CDK14: variants seen among roughly 807,000 people sequenced by gnomAD.
CDK14 encodes the protein cyclin-dependent kinase 14.
CDK14 carries 34 observed loss-of-function variants against 60.7 expected under a neutral mutation model. The observed-to-expected ratio is 0.56, with a 90% confidence interval of 0.43 to 0.75. CDK14 has a LOEUF of 0.75. Ranked by LOEUF, CDK14 falls within the 30% of genes least tolerant of loss-of-function variation. The pLI is 0.00. For missense variants in CDK14, 482 were observed against 564.1 expected (o/e 0.85, Z 1.47); for synonymous variants, 197 against 203.7 (o/e 0.97, Z 0.28).
chr7:90,596,373 G>A lies in CDK14; in HGVS notation c.-255G>A. ...CGGCGGCGCGGCGCGGGGCCACCAC[G>A]GCGGCGGCGAGCGCGGCCGCCCCCG... On this transcript the variant is annotated 5_prime_UTR_variant, in exon 1 of 15. Coordinates refer to ENST00000380050, the MANE Select transcript of CDK14 (RefSeq NM_001287135.2). The A allele has an allele frequency of 5.8e-6, 1 of 171,004 alleles. No individual in the cohort carries two copies. Among genetic ancestry groups the A allele is most frequent in the Non-Finnish European group, 1.2e-5 (1 of 81,200 alleles). 10.6% of individuals were successfully genotyped at this position (171,004 alleles called of 1,614,324 possible).
chr7:90,796,737 G>A (rs948731410), intron 5 of CDK14, among the ~76,000 whole-genome samples: 91 of 150,446 alleles, frequency 6.0e-4, no homozygotes, highest in African/African-American at 2.2e-3. Context: ...ATCAATTTGG[G>A]TTTTAGGGAT....
chr7:91,014,617 C>A (rs1474876040), intron 10 of CDK14, among the ~76,000 whole-genome samples: 1 of 152,140 alleles, frequency 6.6e-6, no homozygotes, highest in African/African-American at 2.4e-5. Context: ...ATTAAACAAG[C>A]ATAGGGATTC....
intron 7 of CDK14, among the ~76,000 whole-genome samples, chr7:90,910,917 A>T (rs1343227890): frequency 4.0e-5 from 6 of 151,818 alleles, no homozygotes; most frequent in African/African-American, 1.2e-4. Flanking sequence ...ATTTTTCCTG[A>T]TCCTCTCCCT....
intron 4 of CDK14, among the ~76,000 whole-genome samples, chr7:90,753,198 A>G (rs1803916614): frequency 6.6e-6 from 1 of 152,154 alleles, no homozygotes; most frequent in Admixed American, 6.5e-5. Context: ...ATGAAAACAG[A>G]AAACTAAAAG....
At chr7:90,729,941 G>A (rs1349213979) in intron 3 of CDK14, among the ~76,000 whole-genome samples, 1 of 151,974 alleles carries the variant, frequency 6.6e-6, no homozygotes, top group Non-Finnish European at 1.5e-5. Flanking sequence ...TTGTTACATA[G>A]GTATACACTT....
Position 91,157,372 on chromosome 7 carries a change from C to T in CDK14, c.*28+39164C>T, listed in dbSNP as rs150905676. Reference sequence around the variant, plus strand: ...GGGTTCAAATCCCAGCACATCACTTCTTGCTAACTGTGTGTCCATGGACAA... The same window carrying T: ...GGGTTCAAATCCCAGCACATCACTTTTTGCTAACTGTGTGTCCATGGACAA... On this transcript the variant is annotated intron_variant, in intron 14 of 14. Transcript: ENST00000380050. Among the ~76,000 whole-genome samples the T allele has an allele frequency of 4.3e-3, 650 of 152,318 alleles. 4 individuals carry two copies. The highest frequency in any genetic ancestry group is 0.015 in the African/African-American group (620 of 41,576).
intron 2 of CDK14, among the ~76,000 whole-genome samples, chr7:90,634,648 A>G (rs1800091922): frequency 1.3e-5 from 2 of 152,120 alleles, no homozygotes; most frequent in Admixed American, 6.6e-5. Context: ...GTATATACCC[A>G]GTAATGGGAT....
intron 10 of CDK14, among the ~76,000 whole-genome samples, chr7:90,991,126 G>A (rs1368676277): frequency 1.3e-5 from 2 of 152,160 alleles, no homozygotes. Flanking sequence ...GATCAACGAT[G>A]TCATTGAAAA....
At chr7:90,638,169 C>CA (rs1800206225) in intron 2 of CDK14, among the ~76,000 whole-genome samples, 1 of 152,006 alleles carries the variant, frequency 6.6e-6, no homozygotes, top group Non-Finnish European at 1.5e-5. Flanking sequence ...TTGATCCTGC[C>CA]ATTATGATGT....
intron 6 of CDK14, among the ~76,000 whole-genome samples, chr7:90,882,744 C>T (rs1661325287): frequency 6.6e-6 from 1 of 152,116 alleles, no homozygotes; most frequent in Non-Finnish European, 1.5e-5. Flanking sequence ...ATAACAGTCT[C>T]TCAGACCACA....
intron 12 of CDK14, among the ~76,000 whole-genome samples, chr7:91,083,587 G>T (rs1305772895): frequency 6.6e-6 from 1 of 152,140 alleles, no homozygotes; most frequent in African/African-American, 2.4e-5. Context: ...TCATAAGAAT[G>T]AATCATTAGT....
chr7:90,944,461 A>G (rs1252757209), intron 8 of CDK14, among the ~76,000 whole-genome samples: 2 of 152,222 alleles, frequency 1.3e-5, no homozygotes, highest in African/African-American at 4.8e-5. Context: ...GGCCAGGTGC[A>G]GTGCCCCACG....
At chr7:90,965,009 A>G (rs1026952012) in intron 9 of CDK14, among the ~76,000 whole-genome samples, 3 of 152,200 alleles carry the variant, frequency 2.0e-5, no homozygotes, top group Admixed American at 6.5e-5. Flanking sequence ...CAAATTCTCA[A>G]ACACAACAGC....
At chr7:90,746,706 ATAGT>A (rs1803606214) in intron 3 of CDK14, among the ~76,000 whole-genome samples, 1 of 152,150 alleles carries the variant, frequency 6.6e-6, no homozygotes, top group Non-Finnish European at 1.5e-5. Context: ...TTCTTGTTCC[ATAGT>A]TAAAGTTGGG....
chr7:91,080,269 G>A (rs1345688838), intron 12 of CDK14, among the ~76,000 whole-genome samples: 1 of 151,526 alleles, frequency 6.6e-6, no homozygotes, highest in Admixed American at 6.6e-5. Context: ...TTTAATTTTG[G>A]ATACTCCCAG....
At chr7:90,757,208 C>CTGTGTGTG (rs1804100459) in intron 4 of CDK14, among the ~76,000 whole-genome samples, 3 of 86,312 alleles carry the variant, frequency 3.5e-5, no homozygotes, top group Non-Finnish European at 7.4e-5. Flanking sequence ...GGCATTCTTC[C>CTGTGTGTG]AGTGTGTGTG....
In CDK14 at chr7:90,851,570, G is replaced by A. The variant is rs114967577; in HGVS notation, c.545-11605G>A. Among the ~76,000 whole-genome samples, 602 of 152,222 alleles carry A rather than the reference G, an allele frequency of 4.0e-3. 4 individuals are homozygous for A. The highest frequency in any genetic ancestry group is 0.013 in the African/African-American group (559 of 41,540). On this transcript the variant is annotated intron_variant, in intron 5 of 14. Coordinates refer to ENST00000380050, the MANE Select transcript of CDK14 (RefSeq NM_001287135.2). ...TCAATACCAGTCACAAGTGTACATT[G>A]CAGAGACTGTCCCCTCAACTGTTTG...
intron 13 of CDK14, among the ~76,000 whole-genome samples, chr7:91,114,606 C>T (rs1291237018): frequency 2.6e-5 from 4 of 152,212 alleles, no homozygotes; most frequent in Admixed American, 6.5e-5. Context: ...CTTTGCATAA[C>T]GTTAAACATC....
chr7:91,107,241 A>G (rs1033755837), intron 12 of CDK14: 6 of 152,306 alleles, frequency 3.9e-5, no homozygotes, highest in African/African-American at 1.4e-4. Flanking sequence ...TATTTTTTAC[A>G]TCATTTCTGT....
Sources: gnomAD v4.1 joint callset for allele counts (sites outside exome capture counted in the v4.1 genomes callset) on GRCh38, gnomAD v4.1.1 for gene constraint, MANE v1.5 for transcripts, NCBI Gene and HGNC (gene_info 2026-07-23, HGNC 2026-07-21) for gene names.